The following PRKN variants were observed in gnomAD, a reference collection of about 807,000 sequenced individuals.
PRKN encodes E3 ubiquitin-protein ligase parkin.
A neutral mutation model predicts 59.5 loss-of-function variants in PRKN; 56 were observed. The ratio of observed to expected loss-of-function variants is 0.94; its 90% confidence interval spans 0.76 to 1.18. PRKN has a LOEUF of 1.18. Among genes scored for constraint, PRKN ranks in the 50% most tolerant of loss-of-function variants. The pLI, the probability that PRKN is intolerant of heterozygous loss-of-function variation, is 0.00. For missense variants in PRKN, 657 were observed against 596.4 expected (o/e 1.10, Z -1.06); for synonymous variants, 250 against 222.1 (o/e 1.13, Z -1.12).
chr6:162,426,610 C>T (rs1436540427), intron 2 of PRKN, among the ~76,000 whole-genome samples: 1 of 152,156 alleles, frequency 6.6e-6, no homozygotes, highest in East Asian at 1.9e-4. Flanking sequence ...GCTTGCCTGG[C>T]TAATTTTCAT....
chr6:162,547,233 A>C (rs1779157812), intron 1 of PRKN, among the ~76,000 whole-genome samples: 1 of 152,190 alleles, frequency 6.6e-6, no homozygotes. Context: ...CAGAAGAACA[A>C]AACAAACTAC....
chr6:161,649,479 T>G (rs896605649), intron 7 of PRKN, among the ~76,000 whole-genome samples: 1 of 152,164 alleles, frequency 6.6e-6, no homozygotes, highest in Non-Finnish European at 1.5e-5. Flanking sequence ...AAGAAGTACG[T>G]GTTTGATTTT....
chr6:162,464,266 T>C (rs1288548065), intron 1 of PRKN, among the ~76,000 whole-genome samples: 3 of 152,134 alleles, frequency 2.0e-5, no homozygotes, highest in Non-Finnish European at 4.4e-5. Context: ...TCTCTATAAA[T>C]GGGAATCAGG....
intron 7 of PRKN, among the ~76,000 whole-genome samples, chr6:161,725,070 C>T (rs1002095476): frequency 6.6e-6 from 1 of 152,194 alleles, no homozygotes; most frequent in South Asian, 2.1e-4. Context: ...TTCCTTGAGG[C>T]CTCCGTAGGA....
intron 4 of PRKN, among the ~76,000 whole-genome samples, chr6:162,106,092 C>T (rs980849447): frequency 3.3e-5 from 5 of 152,156 alleles, no homozygotes; most frequent in African/African-American, 1.2e-4. Context: ...TAAGTTCCAT[C>T]AAAGTTTGTT....
chr6:161,443,649 C>G (rs922246473), intron 9 of PRKN, among the ~76,000 whole-genome samples: 22 of 151,638 alleles, frequency 1.5e-4, no homozygotes, highest in Non-Finnish European at 3.2e-4. Context: ...TTTATAAGAA[C>G]AATCAGTTTT....
chr6:161,558,425 C>A (rs1780324933), intron 8 of PRKN, among the ~76,000 whole-genome samples: 1 of 151,876 alleles, frequency 6.6e-6, no homozygotes, highest in South Asian at 2.1e-4. Context: ...ATTACCTGGG[C>A]ATGGTGGCAT....
chr6:162,418,613 AGTGTGTGT>A (rs140621171), intron 2 of PRKN, among the ~76,000 whole-genome samples: 34 of 126,318 alleles, frequency 2.7e-4, no homozygotes, highest in African/African-American at 8.3e-4. Flanking sequence ...AGGGACAGAC[AGTGTGTGT>A]GTGTGTGTGT....
At chr6:162,195,962 T>G (rs1021900991) in intron 4 of PRKN, among the ~76,000 whole-genome samples, 2 of 152,234 alleles carry the variant, frequency 1.3e-5, no homozygotes, top group Non-Finnish European at 2.9e-5. Flanking sequence ...TAATTATTAT[T>G]AAAGTCAATC....
intron 6 of PRKN, among the ~76,000 whole-genome samples, chr6:161,866,219 T>C (rs780726223): frequency 2.0e-5 from 3 of 152,030 alleles, no homozygotes; most frequent in Non-Finnish European, 2.9e-5. Context: ...ACCTCAAAGA[T>C]CACTGATCAC....
chr6:161,779,463 G>T (rs1460769327), intron 7 of PRKN, among the ~76,000 whole-genome samples: 6 of 1,842 alleles, frequency 3.3e-3, no homozygotes, highest in Non-Finnish European at 0.014. Flanking sequence ...TTTTTTTTTT[G>T]AGATGGAGTC....
chr6:162,521,340 T>C (rs1399456026), intron 1 of PRKN, among the ~76,000 whole-genome samples: 2 of 152,338 alleles, frequency 1.3e-5, no homozygotes, highest in Admixed American at 1.3e-4. Flanking sequence ...AAAGGATGGA[T>C]GGTTCAAATT....
At chr6:162,377,426 A>G (rs1181133210) in intron 2 of PRKN, among the ~76,000 whole-genome samples, 5 of 152,230 alleles carry the variant, frequency 3.3e-5, no homozygotes, top group Non-Finnish European at 7.3e-5. Flanking sequence ...AGAGGCAGAT[A>G]TTCTTGGCTG....
At chr6:161,773,661 T>C (rs1789791152) in intron 7 of PRKN, among the ~76,000 whole-genome samples, 1 of 152,246 alleles carries the variant, frequency 6.6e-6, no homozygotes, top group South Asian at 2.1e-4. Flanking sequence ...AAAAATTGTT[T>C]GTGTTTGCCC....
intron 5 of PRKN, among the ~76,000 whole-genome samples, chr6:162,005,188 G>A (rs967628545): frequency 6.6e-6 from 1 of 152,152 alleles, no homozygotes; most frequent in Non-Finnish European, 1.5e-5. Flanking sequence ...CATATTTCAA[G>A]CATGTGCTTC....
At chr6:162,175,127 C>T (rs540723020) in intron 4 of PRKN, among the ~76,000 whole-genome samples, 7 of 152,296 alleles carry the variant, frequency 4.6e-5, no homozygotes, top group African/African-American at 1.4e-4. Context: ...CCAACTCTGG[C>T]TGTCTTATAC....
chr6:161,448,585 C>T lies in PRKN; in HGVS notation c.1084-61708G>A, dbSNP rs548435523. Among the ~76,000 whole-genome samples the T allele has an allele frequency of 7.2e-5, 11 of 152,250 alleles. No individual in the cohort carries two copies. Among genetic ancestry groups the T allele is most frequent in the Middle Eastern group, 3.4e-3 (1 of 294 alleles). ...CTTCTCTTCTTTCTCTTTCTCTGTCCCCCGAGGTAGCATCTATGCTGACGT... is the reference window on the plus strand; with the variant it reads ...CTTCTCTTCTTTCTCTTTCTCTGTCTCCCGAGGTAGCATCTATGCTGACGT... On this transcript the variant is annotated intron_variant, in intron 9 of 11. Coordinates refer to ENST00000366898, the MANE Select transcript of PRKN (RefSeq NM_004562.3). This position sits in a 1 kb window ranked among gnomAD's most constrained non-coding sequence, Gnocchi z 5.1.
rs1201036922 is a variant in PRKN, at chr6:161,581,974, C to G, written c.872-12558G>C. ...ATACTTCTTTGAACATATCCACTCT[C>G]TTGTCTATTTTACATTATAACACCT... is the stretch of plus-strand genomic sequence containing the variant. On this transcript the variant is annotated intron_variant, in intron 7 of 11. Transcript: ENST00000366898. The surrounding 1 kb of genome is among the most constrained non-coding windows in gnomAD (Gnocchi z 4.5). 6.6e-6 allele frequency among the ~76,000 whole-genome samples: 1 copy of G among 152,204 alleles called. No individual in the cohort carries two copies. The highest frequency in any genetic ancestry group is 2.4e-5 in the African/African-American group (1 of 41,448).
At chr6:161,961,548 T>C (rs1197273945) in intron 6 of PRKN, among the ~76,000 whole-genome samples, 3 of 152,168 alleles carry the variant, frequency 2.0e-5, no homozygotes, top group African/African-American at 7.2e-5. Context: ...GTCCCTGTTC[T>C]ACCACGATAC....
Sources: gnomAD v4.1 joint callset for allele counts (sites outside exome capture counted in the v4.1 genomes callset) on GRCh38, gnomAD v4.1.1 for gene constraint, Gnocchi (gnomAD v3.1) non-coding constraint, MANE v1.5 for transcripts, NCBI Gene and HGNC (gene_info 2026-07-23, HGNC 2026-07-21) for gene names.